Variants in ASIC2 observed in about 807,000 individuals in gnomAD.
ASIC2 encodes the protein acid-sensing ion channel 2.
In ASIC2, 25 loss-of-function variants were observed where a neutral mutation model predicts 57.3. The ratio of observed to expected loss-of-function variants is 0.44; its 90% CI spans 0.32 to 0.61. The LOEUF (loss-of-function observed/expected upper bound fraction) is 0.61, where lower values mean the gene tolerates loss of function less well. Among genes scored for constraint, ASIC2 ranks in the 20% least tolerant of loss-of-function variants. The pLI, the probability that ASIC2 is intolerant of heterozygous loss-of-function variation, is 0.06. For synonymous variants in ASIC2, 319 were observed against 307.5 expected (o/e 1.04, Z -0.39); for missense variants, 641 against 738.1 (o/e 0.87, Z 1.52).
upstream of ASIC2, among the ~76,000 whole-genome samples, chr17:33,295,050 A>G (rs1905669476): frequency 6.6e-6 from 1 of 152,254 alleles, no homozygotes; most frequent in African/African-American, 2.4e-5. Flanking sequence ...AGCATGTGCC[A>G]TCTTCCAGCA....
chr17:33,019,188 A>G (rs146716913), intron 7 of ASIC2, among the ~76,000 whole-genome samples: 1 of 152,134 alleles, frequency 6.6e-6, no homozygotes, highest in African/African-American at 2.4e-5. Context: ...GGTATATGCC[A>G]GGGTCTGGGG....
intron 1 of ASIC2, among the ~76,000 whole-genome samples, chr17:34,147,553 T>G (rs1912451992): frequency 6.6e-6 from 1 of 152,202 alleles, no homozygotes; most frequent in African/African-American, 2.4e-5. Context: ...AATAACCATG[T>G]AGTATTTCTG....
intron 1 of ASIC2, among the ~76,000 whole-genome samples, chr17:34,087,843 G>T (rs1359365667): frequency 2.6e-5 from 4 of 152,060 alleles, no homozygotes; most frequent in Non-Finnish European, 5.9e-5. Context: ...GGCTACTGAG[G>T]CTTCTGCATT....
intron 1 of ASIC2, among the ~76,000 whole-genome samples, chr17:33,500,156 T>C (rs1468660458): frequency 3.3e-5 from 5 of 152,012 alleles, no homozygotes. Context: ...GCTGCAGAAA[T>C]CTTGGGAACT....
chr17:33,556,799 A>G (rs758672834), intron 1 of ASIC2, among the ~76,000 whole-genome samples: 16 of 152,226 alleles, frequency 1.1e-4, no homozygotes, highest in Non-Finnish European at 1.8e-4. Context: ...AGTTACCTAC[A>G]TAAAAAGAAG....
intron 1 of ASIC2, among the ~76,000 whole-genome samples, chr17:34,124,396 T>C (rs968990738): frequency 5.9e-5 from 9 of 152,206 alleles, no homozygotes; most frequent in African/African-American, 2.2e-4. Context: ...CTCCAATCCA[T>C]ACACTTTAGT....
chr17:33,760,762 G>A (rs1389701271), intron 1 of ASIC2, among the ~76,000 whole-genome samples: 2 of 152,030 alleles, frequency 1.3e-5, no homozygotes, highest in East Asian at 1.9e-4. Flanking sequence ...ACTTTGATGA[G>A]GGAGTTGATT....
intron 1 of ASIC2, among the ~76,000 whole-genome samples, chr17:33,569,712 C>T (rs1916367152): frequency 6.6e-6 from 1 of 152,064 alleles, no homozygotes; most frequent in South Asian, 2.1e-4. Context: ...CTTTTTGGTG[C>T]ATATCATCCA....
intron 1 of ASIC2, among the ~76,000 whole-genome samples, chr17:33,454,104 G>GTA (rs765419511): frequency 6.6e-6 from 1 of 152,216 alleles, no homozygotes; most frequent in Non-Finnish European, 1.5e-5. Context: ...ATATGCTGAA[G>GTA]TATACAGTCT....
intron 1 of ASIC2, among the ~76,000 whole-genome samples, chr17:34,044,076 A>G (rs1377747968): frequency 6.6e-6 from 1 of 151,624 alleles, no homozygotes. Context: ...CTCATACAAA[A>G]TAAAAGTGGG....
chr17:33,857,454 G>A (rs61333585), intron 1 of ASIC2, among the ~76,000 whole-genome samples: 44,747 of 151,938 alleles, frequency 0.29, 7,326 homozygotes, highest in East Asian at 0.61. Flanking sequence ...CCCCAATTCA[G>A]CCAGTCAACC....
Position 33,978,233 on chromosome 17 carries a change from C to T in ASIC2, c.555+177745G>A, listed in dbSNP as rs146625323. 1.5e-3 allele frequency among the ~76,000 whole-genome samples: 227 copies of T among 152,304 alleles called. No homozygotes were observed. The Middle Eastern group carries it at 0.017, about 11-fold the overall frequency. The stretch of plus-strand genomic sequence containing the variant: ...CACTCAGGCCCTAGCTGCTAGAAGC[C>T]TCATTTGCCTAAGTTTTTGTCCCAA... On this transcript the variant is annotated intron_variant, in intron 1 of 9. Coordinates refer to the ASIC2 transcript ENST00000359872.
At chr17:34,070,021 G>A (rs1048793409) in intron 1 of ASIC2, 1 of 152,018 alleles carries the variant, frequency 6.6e-6, no homozygotes, top group African/African-American at 2.4e-5. Context: ...AGGTATACTG[G>A]CTGAGTAGAA....
intron 1 of ASIC2, among the ~76,000 whole-genome samples, chr17:33,578,258 T>C (rs1916704251): frequency 6.6e-6 from 1 of 152,190 alleles, no homozygotes. Context: ...CCCTATCTAC[T>C]GGTCATTAAA....
chr17:33,998,944 C>T (rs1022302330), intron 1 of ASIC2, among the ~76,000 whole-genome samples: 1 of 152,052 alleles, frequency 6.6e-6, no homozygotes, highest in Non-Finnish European at 1.5e-5. Flanking sequence ...CATGATCTAT[C>T]CATTTTTGAA....
intron 1 of ASIC2, among the ~76,000 whole-genome samples, chr17:33,703,878 AC>A (rs1908783808): frequency 6.6e-6 from 1 of 152,010 alleles, no homozygotes; most frequent in Non-Finnish European, 1.5e-5. Context: ...CTAAGCTCTG[AC>A]CTTTAGCCCT....
intron 1 of ASIC2, among the ~76,000 whole-genome samples, chr17:33,178,860 C>T (rs559629928): frequency 3.9e-5 from 6 of 152,340 alleles, no homozygotes; most frequent in Admixed American, 2.6e-4. Context: ...TCCCCGACAG[C>T]CTCCCTGTAG....
intron 1 of ASIC2, among the ~76,000 whole-genome samples, chr17:33,385,643 C>G (rs560883708): frequency 1.2e-4 from 19 of 152,212 alleles, no homozygotes; most frequent in Non-Finnish European, 2.6e-4. Context: ...ATTAGTTTTA[C>G]TTTTCTGATG....
chr17:33,204,248 C>T (rs1036735681), intron 1 of ASIC2, among the ~76,000 whole-genome samples: 2 of 152,202 alleles, frequency 1.3e-5, no homozygotes, highest in Non-Finnish European at 2.9e-5. Context: ...GTCATTTTCC[C>T]AGGCAGGCCC....
Sources: gnomAD v4.1 joint callset for allele counts (sites outside exome capture counted in the v4.1 genomes callset) on GRCh38, gnomAD v4.1.1 for gene constraint, MANE v1.5 for transcripts, NCBI Gene and HGNC (gene_info 2026-07-23, HGNC 2026-07-21) for gene names.